Variants in NEGR1 observed in about 807,000 individuals in gnomAD.
NEGR1 encodes neuronal growth regulator 1.
Under a neutral mutation model 40.9 loss-of-function variants are expected in NEGR1, and 10 were observed. That is an observed-to-expected ratio of 0.24 (90% CI 0.15 to 0.42). The LOEUF is 0.42. Among genes scored for constraint, NEGR1 ranks in the 10% least tolerant of loss-of-function variants. NEGR1 has a pLI of 1.00. For synonymous variants in NEGR1, 185 were observed against 166.8 expected (o/e 1.11, Z -0.84); for missense variants, 352 against 438.9 (o/e 0.80, Z 1.77).
At chr1:72,256,985 T>C (rs536588162) in intron 1 of NEGR1, among the ~76,000 whole-genome samples, 3 of 152,298 alleles carry the variant, frequency 2.0e-5, no homozygotes, top group South Asian at 4.1e-4. Context: ...TTAAGATCTG[T>C]GGTTTGACTT....
intron 1 of NEGR1, among the ~76,000 whole-genome samples, chr1:72,018,515 A>T (rs1337493858): frequency 6.6e-6 from 1 of 152,154 alleles, no homozygotes; most frequent in Non-Finnish European, 1.5e-5. Flanking sequence ...ATCTCAGGTG[A>T]TTCTAATGTG....
At chr1:72,149,096 T>C (rs754553255) in intron 1 of NEGR1, among the ~76,000 whole-genome samples, 18 of 152,272 alleles carry the variant, frequency 1.2e-4, no homozygotes, top group Middle Eastern at 3.4e-3. Flanking sequence ...AGATATTTAA[T>C]TGGACTTACA....
At chr1:71,582,742 T>G (rs1046640426) in intron 6 of NEGR1, among the ~76,000 whole-genome samples, 2 of 152,200 alleles carry the variant, frequency 1.3e-5, no homozygotes, top group African/African-American at 4.8e-5. Context: ...GAGAAAATCT[T>G]TCTGCAAATT....
intron 1 of NEGR1, among the ~76,000 whole-genome samples, chr1:72,139,051 T>C (rs1333527809): frequency 1.3e-5 from 2 of 151,344 alleles, no homozygotes; most frequent in African/African-American, 4.9e-5. Flanking sequence ...GAAAGATATT[T>C]GAAAAATTCC....
At chr1:71,580,018 TGCGGCA>T (rs1269556240) in intron 6 of NEGR1, among the ~76,000 whole-genome samples, 1 of 152,114 alleles carries the variant, frequency 6.6e-6, no homozygotes, top group Non-Finnish European at 1.5e-5. Context: ...GTATGCTCAT[TGCGGCA>T]TTATTCACAA....
intron 1 of NEGR1, among the ~76,000 whole-genome samples, chr1:72,265,545 T>C (rs1655609552): frequency 6.6e-6 from 1 of 150,926 alleles, no homozygotes; most frequent in Admixed American, 6.6e-5. Context: ...ATGAAATATA[T>C]GCAATCAATA....
intron 2 of NEGR1, among the ~76,000 whole-genome samples, chr1:71,814,785 A>G (rs1393174090): frequency 2.0e-5 from 3 of 151,898 alleles, no homozygotes; most frequent in Admixed American, 1.3e-4. Flanking sequence ...TATTGTGTCT[A>G]TTTGATTATT....
chr1:71,505,088 G>A (rs1360190837), intron 6 of NEGR1, among the ~76,000 whole-genome samples: 1 of 152,046 alleles, frequency 6.6e-6, no homozygotes, highest in African/African-American at 2.4e-5. Context: ...AGGGAAAAAA[G>A]GTCTCCAACC....
chr1:71,932,237 G>A (rs1645862271), intron 2 of NEGR1, among the ~76,000 whole-genome samples: 1 of 151,836 alleles, frequency 6.6e-6, no homozygotes. Flanking sequence ...TTAAATATTT[G>A]TTCCCATTAA....
intron 2 of NEGR1, among the ~76,000 whole-genome samples, chr1:71,849,428 A>G (rs1659531168): frequency 6.6e-6 from 1 of 152,168 alleles, no homozygotes; most frequent in African/African-American, 2.4e-5. Context: ...ATAAACTTGA[A>G]AGATGAGTTT....
At chr1:72,237,764 G>A (rs1654605134) in intron 1 of NEGR1, among the ~76,000 whole-genome samples, 1 of 151,776 alleles carries the variant, frequency 6.6e-6, no homozygotes, top group African/African-American at 2.4e-5. Flanking sequence ...AGGGAAGCTG[G>A]GTGGTATAGA....
chr1:71,622,069 C>G (rs1190590769), intron 4 of NEGR1, among the ~76,000 whole-genome samples: 1 of 151,856 alleles, frequency 6.6e-6, no homozygotes, highest in Non-Finnish European at 1.5e-5. Flanking sequence ...ATAGCTGTCC[C>G]CTTGTAGTCA....
At chr1:71,500,482 T>G (rs1646991868) in intron 6 of NEGR1, among the ~76,000 whole-genome samples, 1 of 152,088 alleles carries the variant, frequency 6.6e-6, no homozygotes. Context: ...TTCGTCACAT[T>G]ACATTAAAAG....
At chr1:72,095,521 A>T (rs1225289203) in intron 1 of NEGR1, among the ~76,000 whole-genome samples, 4 of 151,952 alleles carry the variant, frequency 2.6e-5, no homozygotes, top group African/African-American at 9.6e-5. Context: ...CCTGTCCTCT[A>T]CTCCTTGTTA....
intron 6 of NEGR1, among the ~76,000 whole-genome samples, chr1:71,422,243 G>A (rs1401182395): frequency 1.3e-5 from 2 of 152,172 alleles, no homozygotes; most frequent in Admixed American, 6.5e-5. Context: ...TCAATTTAAC[G>A]TTAAAAACAA....
At chr1:71,856,990 G>T (rs1009754233) in intron 2 of NEGR1, among the ~76,000 whole-genome samples, 1 of 151,926 alleles carries the variant, frequency 6.6e-6, no homozygotes, top group Non-Finnish European at 1.5e-5. Context: ...TCCTGTATTT[G>T]CAGGCCCTTT....
intron 1 of NEGR1, among the ~76,000 whole-genome samples, chr1:72,255,472 AT>A: frequency 6.6e-6 from 1 of 152,042 alleles, no homozygotes; most frequent in South Asian, 2.1e-4. Flanking sequence ...CTGGGTGTTG[AT>A]ATACTCTGAC....
chr1:71,777,103 C>T (rs1389924226), intron 2 of NEGR1, among the ~76,000 whole-genome samples: 2 of 152,062 alleles, frequency 1.3e-5, no homozygotes, highest in African/African-American at 4.8e-5. Flanking sequence ...AGAGAAAAGT[C>T]TCTAAACTAA....
intron 1 of NEGR1, among the ~76,000 whole-genome samples, chr1:72,249,088 C>T (rs1478972117): frequency 6.6e-6 from 1 of 152,088 alleles, no homozygotes; most frequent in Non-Finnish European, 1.5e-5. Flanking sequence ...GGAAGTTGAA[C>T]CATTGGGAGG....
Sources: allele counts gnomAD v4.1 joint callset (sites outside exome capture counted in the v4.1 genomes callset), GRCh38; gene constraint gnomAD v4.1.1; transcripts MANE v1.5; gene names NCBI Gene and HGNC (gene_info 2026-07-23, HGNC 2026-07-21).